Variants in ZNF804A observed in about 807,000 individuals in gnomAD.
ZNF804A encodes zinc finger protein 804A.
Under a neutral mutation model 16.5 loss-of-function variants are expected in ZNF804A, and 2 were observed. The ratio of observed to expected loss-of-function variants is 0.12; its 90% confidence interval spans 0.05 to 0.38. The LOEUF is 0.38. ZNF804A is among the 10% of genes least tolerant of loss of function. The probability of loss-of-function intolerance (pLI) is 0.99; values close to 1 mark genes in which losing one functional copy is unlikely to be tolerated. For synonymous variants in ZNF804A, 534 were observed against 489.6 expected, an observed-to-expected ratio of 1.09 and a Z score of -1.20; for missense variants, 1,473 against 1,390.7, an observed-to-expected ratio of 1.06 and a Z score of -0.94.
intron 1 of ZNF804A, among the ~76,000 whole-genome samples, chr2:184,696,072 C>CT (rs1427568339): frequency 6.6e-6 from 1 of 152,080 alleles, no homozygotes; most frequent in Non-Finnish European, 1.5e-5. Context: ...CATTTCTACA[C>CT]TTCTATAATG....
At chr2:184,687,995 T>A (rs892499351) in intron 1 of ZNF804A, among the ~76,000 whole-genome samples, 2 of 152,100 alleles carry the variant, frequency 1.3e-5, no homozygotes, top group Non-Finnish European at 2.9e-5. Flanking sequence ...GGTGTGTGCC[T>A]GTAGTCCCAG....
chr2:184,923,620 G>A (rs1357268718), intron 2 of ZNF804A, among the ~76,000 whole-genome samples: 2 of 151,980 alleles, frequency 1.3e-5, no homozygotes, highest in East Asian at 3.9e-4. Flanking sequence ...CATTCTTGTC[G>A]TGGTCCAGAT....
At chr2:184,618,065 C>G (rs1293419408) in intron 1 of ZNF804A, among the ~76,000 whole-genome samples, 2 of 151,894 alleles carry the variant, frequency 1.3e-5, no homozygotes, top group African/African-American at 4.8e-5. Context: ...TATATTTATT[C>G]CATTGTGTTT....
intron 1 of ZNF804A, among the ~76,000 whole-genome samples, chr2:184,652,347 C>T (rs1297460216): frequency 1.3e-5 from 2 of 152,004 alleles, no homozygotes; most frequent in East Asian, 3.9e-4. Context: ...ATGTTCAGTA[C>T]CTGCATGGTG....
At chr2:184,784,338 C>T (rs1694417288) in intron 1 of ZNF804A, among the ~76,000 whole-genome samples, 1 of 151,848 alleles carries the variant, frequency 6.6e-6, no homozygotes, top group South Asian at 2.1e-4. Flanking sequence ...TCTATTAATA[C>T]CTGCCATCCC....
At chr2:184,688,332 C>G (rs1045880786) in intron 1 of ZNF804A, among the ~76,000 whole-genome samples, 1 of 139,556 alleles carries the variant, frequency 7.2e-6, no homozygotes, top group African/African-American at 2.9e-5. Flanking sequence ...TTCTTTCTCT[C>G]TCTCTCTCTT....
intron 1 of ZNF804A, among the ~76,000 whole-genome samples, chr2:184,639,717 C>T (rs1691761203): frequency 1.3e-5 from 2 of 151,944 alleles, no homozygotes; most frequent in South Asian, 4.1e-4. Context: ...AAATAGAGAT[C>T]AAGGGCCGGG....
intron 2 of ZNF804A, among the ~76,000 whole-genome samples, chr2:184,879,584 C>CT: frequency 6.6e-6 from 1 of 152,026 alleles, no homozygotes; most frequent in Non-Finnish European, 1.5e-5. Flanking sequence ...ATTGTTCATA[C>CT]TTTTTAGGAA....
intron 2 of ZNF804A, among the ~76,000 whole-genome samples, chr2:184,874,738 C>T (rs1696027274): frequency 6.6e-6 from 1 of 152,070 alleles, no homozygotes; most frequent in South Asian, 2.1e-4. Context: ...ATCATCTGCC[C>T]ATACCAGCCT....
At chr2:184,641,160 G>A (rs1691790354) in intron 1 of ZNF804A, among the ~76,000 whole-genome samples, 1 of 152,000 alleles carries the variant, frequency 6.6e-6, no homozygotes, top group Non-Finnish European at 1.5e-5. Flanking sequence ...TCACTATGTT[G>A]ACCAGGCTGC....
intron 2 of ZNF804A, among the ~76,000 whole-genome samples, chr2:184,885,478 A>G (rs1215368332): frequency 1.3e-5 from 2 of 152,202 alleles, no homozygotes; most frequent in African/African-American, 4.8e-5. Context: ...AAAATGTGGT[A>G]CATTTACACC....
intron 1 of ZNF804A, among the ~76,000 whole-genome samples, chr2:184,720,454 C>T (rs1017985540): frequency 6.6e-6 from 1 of 152,046 alleles, no homozygotes; most frequent in African/African-American, 2.4e-5. Flanking sequence ...AATTTTTCTA[C>T]ACACCAATAA....
At chr2:184,763,617 T>G (rs1217845344) in intron 1 of ZNF804A, among the ~76,000 whole-genome samples, 1 of 150,238 alleles carries the variant, frequency 6.7e-6, no homozygotes, top group Non-Finnish European at 1.5e-5. Context: ...CTTTACTTTT[T>G]TTCTTCAAAG....
chr2:184,721,192 T>A (rs1252578552), intron 1 of ZNF804A, among the ~76,000 whole-genome samples: 1 of 152,106 alleles, frequency 6.6e-6, no homozygotes, highest in Non-Finnish European at 1.5e-5. Context: ...TAGGCAAAGA[T>A]TTTGTGGCTA....
chr2:184,918,507 A>G (rs1685485548), intron 2 of ZNF804A, among the ~76,000 whole-genome samples: 1 of 152,146 alleles, frequency 6.6e-6, no homozygotes, highest in South Asian at 2.1e-4. Flanking sequence ...CATATATTGG[A>G]TGCTAATTCA....
intron 1 of ZNF804A, among the ~76,000 whole-genome samples, chr2:184,701,008 A>C (rs1692910722): frequency 6.6e-6 from 1 of 151,986 alleles, no homozygotes; most frequent in Non-Finnish European, 1.5e-5. Flanking sequence ...GAAAAATAAA[A>C]TACATTGTTG....
rs140186439 is a variant in ZNF804A at position 184,738,431 on chromosome 2, T to A, written c.112-127938T>A. The stretch of plus-strand genomic sequence containing the variant: ...TTGTTATTTTGATGATCCTTTTGGA[T>A]ACATAGCCTAATAGACTATGTTGAC... On this transcript the variant is annotated intron_variant, in intron 1 of 3. Transcript: ENST00000302277. 9.1e-3 allele frequency among the ~76,000 whole-genome samples: 1,380 copies of A among 152,332 alleles called. 22 individuals carry two copies. The highest frequency in any genetic ancestry group is 0.032 in the African/African-American group (1,319 of 41,566).
intron 2 of ZNF804A, among the ~76,000 whole-genome samples, chr2:184,886,629 G>T (rs1684895861): frequency 6.6e-6 from 1 of 152,244 alleles, no homozygotes; most frequent in Non-Finnish European, 1.5e-5. Context: ...CTAGGCAGAG[G>T]TGCCCAAACC....
rs182334989 is a variant in ZNF804A at position 184,750,366 on chromosome 2, C to T, written c.112-116003C>T. On this transcript the variant is annotated intron_variant, in intron 1 of 3. Coordinates refer to ENST00000302277, the MANE Select transcript of ZNF804A (RefSeq NM_194250.2). ...CATATTTTCAATATTATATCTTGAGCTCTGCCAATCAATACATTACATCTC... is the reference window on the plus strand; with the variant it reads ...CATATTTTCAATATTATATCTTGAGTTCTGCCAATCAATACATTACATCTC... Among the ~76,000 whole-genome samples the T allele has an allele frequency of 4.2e-3, 634 of 151,426 alleles. 5 individuals carry two copies. The highest frequency in any genetic ancestry group is 0.015 in the African/African-American group (602 of 41,444).
Sources: gnomAD v4.1 joint callset for allele counts (sites outside exome capture counted in the v4.1 genomes callset) on GRCh38, gnomAD v4.1.1 for gene constraint, MANE v1.5 for transcripts, NCBI Gene and HGNC (gene_info 2026-07-23, HGNC 2026-07-21) for gene names.